AKR1C8: variants seen among roughly 807,000 people sequenced by gnomAD.
AKR1C8 encodes aldo-keto reductase family 1 member C-like protein 1.
chr10:5,151,176 C>T, the AKR1C8 span, among the ~76,000 whole-genome samples: 1 of 152,104 alleles, frequency 6.6e-6, no homozygotes. Flanking sequence ...GGTTCAGGGT[C>T]TGCAAAATAT....
chr10:5,162,924 C>A, the AKR1C8 span: 2 of 534,702 alleles, frequency 3.7e-6, no homozygotes, highest in Admixed American at 1.9e-5. Flanking sequence ...GCCTGTCCAA[C>A]CTCCTCCTCA....
chr10:5,184,117 A>C, the AKR1C8 span, among the ~76,000 whole-genome samples: 1 of 152,088 alleles, frequency 6.6e-6, no homozygotes, highest in Non-Finnish European at 1.5e-5. Context: ...CTATCACTTC[A>C]ACTCCTGATT....
At chr10:5,124,936 A>G in the AKR1C8 span, among the ~76,000 whole-genome samples, 1 of 152,158 alleles carries the variant, frequency 6.6e-6, no homozygotes, top group Non-Finnish European at 1.5e-5. Context: ...AACCTCGATG[A>G]CATAAAGCAT....
the AKR1C8 span, among the ~76,000 whole-genome samples, chr10:5,150,261 T>G: frequency 6.6e-6 from 1 of 152,130 alleles, no homozygotes; most frequent in Non-Finnish European, 1.5e-5. Context: ...TGATTATAAG[T>G]TGCTTTTTGA....
chr10:5,129,583 G>T, the AKR1C8 span, among the ~76,000 whole-genome samples: 1 of 151,864 alleles, frequency 6.6e-6, no homozygotes, highest in African/African-American at 2.4e-5. Context: ...AATGAAACTG[G>T]ACACATTACA....
chr10:5,126,992 T>C, the AKR1C8 span, among the ~76,000 whole-genome samples: 6 of 152,076 alleles, frequency 3.9e-5, no homozygotes, highest in African/African-American at 1.2e-4. Context: ...TCTATCAAAA[T>C]GAGAGGACAT....
At chr10:5,157,737 G>A in the AKR1C8 span, 1 of 472,374 alleles carries the variant, frequency 2.1e-6, no homozygotes, top group Non-Finnish European at 4.4e-6. Context: ...GGCTTCCACT[G>A]TGTTTCTTGG....
the AKR1C8 span, among the ~76,000 whole-genome samples, chr10:5,159,016 T>A: frequency 1.4e-3 from 219 of 152,270 alleles, no homozygotes; most frequent in African/African-American, 4.5e-3. Context: ...GAAGGGCATA[T>A]TCCAGTTCTG....
chr10:5,126,810 AG>A, the AKR1C8 span, among the ~76,000 whole-genome samples: 1 of 152,130 alleles, frequency 6.6e-6, no homozygotes. Context: ...CATGATACAA[AG>A]ACTCTCTATA....
the AKR1C8 span, among the ~76,000 whole-genome samples, chr10:5,145,157 A>G: frequency 1.3e-5 from 2 of 152,028 alleles, no homozygotes; most frequent in Admixed American, 1.3e-4. Context: ...GGCTCTGTTT[A>G]TATACTGGAT....
the AKR1C8 span, among the ~76,000 whole-genome samples, chr10:5,176,129 T>C: frequency 1.3e-5 from 2 of 151,932 alleles, no homozygotes; most frequent in Non-Finnish European, 1.5e-5. Flanking sequence ...TTTAAGTCTT[T>C]AATCCATCTT....
the AKR1C8 span, chr10:5,162,834 G>A: frequency 2.1e-5 from 11 of 528,496 alleles, no homozygotes; most frequent in Non-Finnish European, 3.9e-5. Flanking sequence ...TCTGGCTACT[G>A]TACACACAGA....
chr10:5,157,045 T>C, the AKR1C8 span, among the ~76,000 whole-genome samples: 1 of 152,234 alleles, frequency 6.6e-6, no homozygotes, highest in South Asian at 2.1e-4. Context: ...TGTAAACTTA[T>C]GCCTAGTTTC....
the AKR1C8 span, among the ~76,000 whole-genome samples, chr10:5,178,814 T>C: frequency 6.7e-6 from 1 of 148,770 alleles, no homozygotes; most frequent in African/African-American, 2.5e-5. Context: ...CCTTTTTTTT[T>C]GTTTTCCATT....
At chr10:5,140,776 C>A in the AKR1C8 span, among the ~76,000 whole-genome samples, 1 of 151,460 alleles carries the variant, frequency 6.6e-6, no homozygotes, top group Non-Finnish European at 1.5e-5. Context: ...TGCACATGTA[C>A]ATATATGCAA....
the AKR1C8 span, among the ~76,000 whole-genome samples, chr10:5,118,499 G>A: frequency 6.6e-6 from 1 of 152,276 alleles, no homozygotes. Flanking sequence ...AAAGGTGGAG[G>A]GAAAGTTAGA....
chr10:5,145,685 A>C, the AKR1C8 span, among the ~76,000 whole-genome samples: 1 of 152,200 alleles, frequency 6.6e-6, no homozygotes, highest in Non-Finnish European at 1.5e-5. Flanking sequence ...AATCATTAAA[A>C]AGTCAGGAAA....
At chr10:5,129,280 C>G in the AKR1C8 span, among the ~76,000 whole-genome samples, 18 of 151,976 alleles carry the variant, frequency 1.2e-4, no homozygotes, top group African/African-American at 3.4e-4. Flanking sequence ...AAAAGCAGTG[C>G]TAAGAGGCAA....
chr10:5,153,927 T>C, the AKR1C8 span, among the ~76,000 whole-genome samples: 39 of 152,214 alleles, frequency 2.6e-4, no homozygotes, highest in Non-Finnish European at 4.6e-4. Flanking sequence ...AGGTCTTTTT[T>C]TGTATTTTTT....
Sources: gnomAD v4.1 joint callset for allele counts (sites outside exome capture counted in the v4.1 genomes callset) on GRCh38, gnomAD v4.1.1 for gene constraint, MANE v1.5 for transcripts, NCBI Gene and HGNC (gene_info 2026-07-23, HGNC 2026-07-21) for gene names.